The following FGF14 variants were observed in gnomAD, a reference collection of about 807,000 sequenced individuals.
The protein encoded by FGF14 is fibroblast growth factor homologous factor 4.
A neutral mutation model predicts 25.5 loss-of-function variants in FGF14; 5 were observed. The observed-to-expected ratio is 0.20, with a 90% CI of 0.10 to 0.41. The LOEUF (loss-of-function observed/expected upper bound fraction) is 0.41. Among genes scored for constraint, FGF14 ranks in the 10% least tolerant of loss-of-function variants. The pLI, the probability that FGF14 is intolerant of heterozygous loss-of-function variation, is 1.00. For missense variants in FGF14, 222 were observed against 320.1 expected (o/e 0.69, Z 2.34); for synonymous variants, 138 against 118.3 (o/e 1.17, Z -1.08).
intron 1 of FGF14, among the ~76,000 whole-genome samples, chr13:102,383,979 A>T (rs1273554945): frequency 5.3e-5 from 8 of 152,210 alleles, no homozygotes; most frequent in Non-Finnish European, 7.3e-5. Flanking sequence ...GTTCTCAGTC[A>T]TGGTGTTCCA....
chr13:102,151,632 G>C (rs760698275), intron 1 of FGF14, among the ~76,000 whole-genome samples: 3 of 152,052 alleles, frequency 2.0e-5, no homozygotes, highest in Non-Finnish European at 2.9e-5. Context: ...CAGAGTAGCT[G>C]GGATTACAGG....
intron 1 of FGF14, among the ~76,000 whole-genome samples, chr13:102,209,341 T>C (rs945548224): frequency 1.3e-5 from 2 of 152,232 alleles, no homozygotes; most frequent in Non-Finnish European, 2.9e-5. Flanking sequence ...TTTTGCAAGT[T>C]AGTATCAGAA....
intron 1 of FGF14, among the ~76,000 whole-genome samples, chr13:101,880,392 A>AC (rs1375682924): frequency 6.6e-6 from 1 of 151,966 alleles, no homozygotes; most frequent in Non-Finnish European, 1.5e-5. Flanking sequence ...ACATGGAGAA[A>AC]CCCCATCTCT....
At chr13:102,013,183 A>C (rs2040168600) in intron 1 of FGF14, among the ~76,000 whole-genome samples, 1 of 152,048 alleles carries the variant, frequency 6.6e-6, no homozygotes, top group Non-Finnish European at 1.5e-5. Flanking sequence ...AACAAAAAAC[A>C]CCAGAGATAA....
intron 3 of FGF14, among the ~76,000 whole-genome samples, chr13:101,754,204 T>C (rs2037492404): frequency 6.6e-6 from 1 of 152,112 alleles, no homozygotes; most frequent in South Asian, 2.1e-4. Flanking sequence ...TAGGGGCTGA[T>C]CCAGGGTGCC....
At chr13:102,126,870 G>A (rs73581588) in intron 1 of FGF14, among the ~76,000 whole-genome samples, 2,581 of 152,248 alleles carry the variant, frequency 0.017, 73 homozygotes, top group African/African-American at 0.058. Context: ...GTCCCATCTG[G>A]TGGTAGACGG....
chr13:101,931,503 C>T (rs2034746850), intron 1 of FGF14, among the ~76,000 whole-genome samples: 1 of 152,190 alleles, frequency 6.6e-6, no homozygotes. Context: ...GGACTGGATG[C>T]TCCCCTCTCT....
intron 3 of FGF14, among the ~76,000 whole-genome samples, chr13:101,812,094 T>C (rs1452720524): frequency 6.6e-6 from 1 of 152,148 alleles, no homozygotes. Flanking sequence ...GCACTTCAAA[T>C]TATATCTAAG....
At chr13:102,062,809 T>C (rs1007215964) in intron 1 of FGF14, among the ~76,000 whole-genome samples, 3 of 152,158 alleles carry the variant, frequency 2.0e-5, no homozygotes, top group Non-Finnish European at 4.4e-5. Context: ...TAAGAAAAAA[T>C]GTGTTCAGCA....
At position 102,314,374 on chromosome 13, in the gene FGF14, T is replaced by C. The variant is rs116018067; in HGVS notation, c.208+87097A>G. Among the ~76,000 whole-genome samples the C allele has an allele frequency of 6.9e-3, 1,058 of 152,290 alleles. 14 individuals are homozygous for C. Among genetic ancestry groups the C allele is most frequent in the African/African-American group, 0.024 (985 of 41,562 alleles). ...CCATTCTATATTGACTACTTACTAG[T>C]TCCTTCTGAATATGTCCTCAATCGC... On this transcript the variant is annotated intron_variant, in intron 1 of 4. Transcript: ENST00000376131.
At chr13:101,875,150 C>T in intron 2 of FGF14, 36 bp downstream of exon 2, 2 of 1,377,010 alleles carry the variant, frequency 1.5e-6, no homozygotes, top group Non-Finnish European at 2.1e-6. Flanking sequence ...TATCTTCTAC[C>T]AACTATGTAA....
intron 1 of FGF14, among the ~76,000 whole-genome samples, chr13:102,321,432 AT>A (rs1308158912): frequency 1.3e-5 from 2 of 152,216 alleles, no homozygotes; most frequent in African/African-American, 4.8e-5. Context: ...ATAGAATACA[AT>A]TTTTAAATGA....
chr13:101,978,297 A>G (rs948213020), intron 1 of FGF14, among the ~76,000 whole-genome samples: 1 of 152,194 alleles, frequency 6.6e-6, no homozygotes, highest in African/African-American at 2.4e-5. Flanking sequence ...GAATGGTGAT[A>G]TTTGATGTGG....
At chr13:102,188,991 A>G (rs935826252) in intron 1 of FGF14, among the ~76,000 whole-genome samples, 1 of 62,894 alleles carries the variant, frequency 1.6e-5, no homozygotes, top group South Asian at 5.0e-4. Flanking sequence ...AAAGAAAGAA[A>G]GAAAGAAAGA....
chr13:101,855,831 GGTT>G (rs1238908166), intron 3 of FGF14, among the ~76,000 whole-genome samples: 1 of 151,126 alleles, frequency 6.6e-6, no homozygotes, highest in African/African-American at 2.4e-5. Flanking sequence ...TTCTTTTTAT[GGTT>G]GTTGTTGTTA....
chr13:102,303,227 G>A (rs899828932), intron 1 of FGF14, among the ~76,000 whole-genome samples: 4 of 152,110 alleles, frequency 2.6e-5, no homozygotes, highest in Admixed American at 6.6e-5. Context: ...TCTGTCCTCT[G>A]GGCAAATGTC....
At chr13:101,846,065 A>T (rs1044221676) in intron 3 of FGF14, among the ~76,000 whole-genome samples, 7 of 152,034 alleles carry the variant, frequency 4.6e-5, no homozygotes, top group Admixed American at 1.3e-4. Flanking sequence ...CCAAATGTAT[A>T]CAATTTATTA....
chr13:101,892,183 T>A (rs11839877), intron 1 of FGF14, among the ~76,000 whole-genome samples: 2,462 of 152,204 alleles, frequency 0.016, 86 homozygotes, highest in African/African-American at 0.056. Flanking sequence ...TTTCAATTTT[T>A]TTTGATTATT....
intron 1 of FGF14, among the ~76,000 whole-genome samples, chr13:102,060,483 G>A (rs1351616750): frequency 1.3e-5 from 2 of 152,136 alleles, no homozygotes; most frequent in Admixed American, 6.5e-5. Context: ...CCGAGATCGC[G>A]CCACTGCACT....
Sources: gnomAD v4.1 joint callset for allele counts (sites outside exome capture counted in the v4.1 genomes callset) on GRCh38, gnomAD v4.1.1 for gene constraint, MANE v1.5 for transcripts, NCBI Gene and HGNC (gene_info 2026-07-23, HGNC 2026-07-21) for gene names.